MIB1: variants seen among roughly 807,000 people sequenced by gnomAD.
MIB1 encodes E3 ubiquitin-protein ligase MIB1.
A neutral mutation model predicts 124.5 loss-of-function variants in MIB1; 278 were observed. The observed-to-expected ratio is 2.23, with a 90% CI of 2.02 to 2.47. The LOEUF (loss-of-function observed/expected upper bound fraction) is 2.47. Ranked by LOEUF, MIB1 falls within the 30% of genes most tolerant of loss-of-function variation. The pLI, the probability that MIB1 is intolerant of heterozygous loss-of-function variation, is 0.00. For missense variants in MIB1, 957 were observed against 1,254.4 expected (o/e 0.76, Z 3.58); for synonymous variants, 446 against 429.4 (o/e 1.04, Z -0.48).
chr18:21,782,779 G>A (rs1280731784), intron 6 of MIB1, among the ~76,000 whole-genome samples: 2 of 152,246 alleles, frequency 1.3e-5, no homozygotes, highest in Admixed American at 1.3e-4. Flanking sequence ...TGTCAATTAT[G>A]TATATTTGGT....
chr18:21,788,507 C>CTT lies in MIB1; in HGVS notation c.909-2867_909-2866insTT, dbSNP rs2041463120. On this transcript the variant is annotated intron_variant, in intron 6 of 20. Coordinates refer to ENST00000261537, the MANE Select transcript of MIB1 (RefSeq NM_020774.4). Reference sequence around the variant, plus strand: ...GACATCTATGAAAAACCACAGCTAACATCATCCTTAATGATGAAAGACTGA... The same window carrying CTT: ...GACATCTATGAAAAACCACAGCTAACTTATCATCCTTAATGATGAAAGACTGA... 2.6e-5 allele frequency among the ~76,000 whole-genome samples: 4 copies of CTT among 152,358 alleles called. No individual in the cohort carries two copies. In the South Asian group the frequency reaches 8.3e-4, roughly 32 times the overall value.
intron 1 of MIB1, among the ~76,000 whole-genome samples, chr18:21,707,395 C>A (rs184151381): frequency 6.6e-6 from 1 of 152,110 alleles, no homozygotes; most frequent in Non-Finnish European, 1.5e-5. Flanking sequence ...TGGGTGGGGC[C>A]GATAAGGGAA....
At chr18:21,807,929 T>C (rs924891866) in intron 10 of MIB1, among the ~76,000 whole-genome samples, 3 of 152,224 alleles carry the variant, frequency 2.0e-5, no homozygotes, top group African/African-American at 7.2e-5. Context: ...TTAATACTCA[T>C]AGCCAGTTTT....
At chr18:21,792,615 CAAAA>C (rs1226557760) in intron 7 of MIB1, among the ~76,000 whole-genome samples, 1 of 151,926 alleles carries the variant, frequency 6.6e-6, no homozygotes, top group African/African-American at 2.4e-5. Context: ...GTGAACAAAA[CAAAA>C]AAATAAAATC....
chr18:21,830,350 T>G (rs909466913), intron 12 of MIB1, among the ~76,000 whole-genome samples: 8 of 152,170 alleles, frequency 5.3e-5, no homozygotes, highest in African/African-American at 1.7e-4. Context: ...TGCAAAATCA[T>G]CACTTAATCT....
chr18:21,782,022 T>C (rs2146430167), intron 6 of MIB1, among the ~76,000 whole-genome samples: 1 of 152,298 alleles, frequency 6.6e-6, no homozygotes, highest in South Asian at 2.1e-4. Flanking sequence ...TGCTGATCTT[T>C]ATTACTTCTT....
chr18:21,859,126 TAGTCCAGGCGC>T (rs1190933836), intron 20 of MIB1, among the ~76,000 whole-genome samples: 1 of 152,148 alleles, frequency 6.6e-6, no homozygotes, highest in Non-Finnish European at 1.5e-5. Context: ...AAGTTGAAGG[TAGTCCAGGCGC>T]AGTGGTTCAT....
intron 1 of MIB1, among the ~76,000 whole-genome samples, chr18:21,747,919 A>G (rs2040929391): frequency 6.6e-6 from 1 of 152,208 alleles, no homozygotes. Context: ...TTTAAGGGAA[A>G]GGGTCTGTGT....
rs2040691550 is a variant in MIB1, at chr18:21,716,768, C to T, written n.167+11645C>T. Among the ~76,000 whole-genome samples the T allele has an allele frequency of 5.3e-5, 8 of 152,068 alleles. No homozygotes were observed. The South Asian group carries it at 1.4e-3, about 28-fold the overall frequency. ...GCAGGAGGCTGAGGCAGGAGAATGG[C>T]GTGAAGCCGGGAGGTGGAGCTTGCA... On this transcript the variant is annotated intron_variant and non_coding_transcript_variant, in intron 1 of 20. Coordinates refer to the MIB1 transcript ENST00000578646.
chr18:21,742,710 C>T (rs1415344107), intron 1 of MIB1, among the ~76,000 whole-genome samples: 1 of 152,094 alleles, frequency 6.6e-6, no homozygotes, highest in Non-Finnish European at 1.5e-5. Context: ...TATTATTTAT[C>T]CTTGATATTT....
chr18:21,737,396 G>A (rs1041015942), upstream of MIB1, among the ~76,000 whole-genome samples: 1 of 152,048 alleles, frequency 6.6e-6, no homozygotes, highest in Non-Finnish European at 1.5e-5. Flanking sequence ...ACATGGAAAG[G>A]AACAGCCAGT....
chr18:21,760,112 A>G (rs2041081405), intron 1 of MIB1, among the ~76,000 whole-genome samples: 1 of 152,198 alleles, frequency 6.6e-6, no homozygotes, highest in Admixed American at 6.5e-5. Flanking sequence ...AAAGGGCATT[A>G]ACTCCTTAGG....
Position 21,870,922 on chromosome 18 carries a change from A to G in MIB1, c.*6256A>G, listed in dbSNP as rs1450416469. On this transcript the variant is annotated 3_prime_UTR_variant, in exon 21 of 21. Transcript: ENST00000261537. Reference sequence around the variant, plus strand: ...CAATATTTTTTACTAAATTGAAACTATAGGTTTTAAAAATAAAGACATTTT... The same window carrying G: ...CAATATTTTTTACTAAATTGAAACTGTAGGTTTTAAAAATAAAGACATTTT... The G allele has an allele frequency of 1.3e-5, 2 of 152,228 alleles. No homozygotes were observed. Among genetic ancestry groups the G allele is most frequent in the Non-Finnish European group, 2.9e-5 (2 of 68,044 alleles). The allele number at this position is 152,228 out of a possible 1,614,324, so 9.4% of individuals were successfully genotyped here.
chr18:21,747,585 C>G (rs2040925547), intron 1 of MIB1, among the ~76,000 whole-genome samples: 1 of 152,108 alleles, frequency 6.6e-6, no homozygotes, highest in South Asian at 2.1e-4. Context: ...TAATACATGT[C>G]TTTAAAACTA....
intron 5 of MIB1, among the ~76,000 whole-genome samples, chr18:21,778,818 A>G (rs1038914199): frequency 4.6e-5 from 7 of 152,096 alleles, no homozygotes; most frequent in African/African-American, 1.7e-4. Flanking sequence ...AGGAGAATGC[A>G]TAAAAAAATT....
intron 20 of MIB1, among the ~76,000 whole-genome samples, chr18:21,862,157 A>G (rs1435963570): frequency 1.3e-5 from 2 of 152,132 alleles, no homozygotes; most frequent in Admixed American, 6.5e-5. Context: ...TCGGCCTCCC[A>G]AAGTGTTGGG....
At position 21,765,928 on chromosome 18, in the gene MIB1, C is replaced by T. The variant is rs1323398414; in HGVS notation, c.386C>T (p.Thr129Ile). Residue 129 changes from threonine to isoleucine, a missense_variant, in exon 2 of 21, where the codon ACA (threonine) becomes ATA (isoleucine). Physicochemically the swap from Thr to Ile is moderately conservative, Grantham distance 89. Coordinates refer to ENST00000261537, the MANE Select transcript of MIB1 (RefSeq NM_020774.4). ...AGACATCGCTTTTACCGAATTACTA[C>T]ACCGGGAAGTGAGAGGTAGGGAGAA... The part of the protein sequence containing the change: ...HLRHRFYRIT[T>I]PGSERVLLES... 16 of 1,614,026 alleles carry T rather than the reference C, an allele frequency of 9.9e-6. No homozygotes were observed. The highest frequency in any genetic ancestry group is 1.2e-5 in the Non-Finnish European group (14 of 1,179,900).
chr18:21,713,755 T>C (rs1414151928), intron 1 of MIB1, among the ~76,000 whole-genome samples: 1 of 119,200 alleles, frequency 8.4e-6, no homozygotes, highest in Non-Finnish European at 1.7e-5. Flanking sequence ...ACCCCTCTCC[T>C]TTTTTTTTTT....
At chr18:21,848,493 A>G (rs1053344468) in intron 16 of MIB1, among the ~76,000 whole-genome samples, 3 of 152,144 alleles carry the variant, frequency 2.0e-5, no homozygotes, top group Non-Finnish European at 4.4e-5. Flanking sequence ...AGGCACTATA[A>G]TTATTGCAGT....
Sources: gnomAD v4.1 joint callset for allele counts (sites outside exome capture counted in the v4.1 genomes callset) on GRCh38, gnomAD v4.1.1 for gene constraint, MANE v1.5 for transcripts, NCBI Gene and HGNC (gene_info 2026-07-23, HGNC 2026-07-21) for gene names.